Variants in SLC4A10 observed in about 807,000 individuals in gnomAD.
SLC4A10 encodes the protein solute carrier family 4 member 10.
In SLC4A10, 42 loss-of-function variants were observed where a neutral mutation model predicts 137.7. The observed-to-expected ratio is 0.30, with a 90% CI of 0.24 to 0.39. SLC4A10 has a LOEUF of 0.39. Ranked by LOEUF, SLC4A10 falls within the 10% of genes least tolerant of loss-of-function variation. SLC4A10 has a pLI of 1.00. For missense variants in SLC4A10, 925 were observed against 1,355.0 expected (o/e 0.68, Z 4.98); for synonymous variants, 474 against 464.1 (o/e 1.02, Z -0.27).
intron 3 of SLC4A10, among the ~76,000 whole-genome samples, chr2:161,825,340 A>T (rs1170544687): frequency 6.6e-5 from 10 of 152,054 alleles, no homozygotes; most frequent in Non-Finnish European, 1.5e-4. Flanking sequence ...TCTCTAATGG[A>T]GGTAAAGCAG....
chr2:161,978,407 GA>G (rs796514805), intron 26 of SLC4A10, among the ~76,000 whole-genome samples: 37 of 123,328 alleles, frequency 3.0e-4, no homozygotes, highest in African/African-American at 7.4e-4. Flanking sequence ...AAAAAGAAAA[GA>G]AAAAGAAAAA....
intron 1 of SLC4A10, among the ~76,000 whole-genome samples, chr2:161,679,647 T>C (rs759404848): frequency 4.0e-5 from 6 of 151,456 alleles, no homozygotes; most frequent in Non-Finnish European, 8.8e-5. Context: ...ATCTCTGGAA[T>C]CTGCTTTTAT....
intron 8 of SLC4A10, among the ~76,000 whole-genome samples, chr2:161,874,844 T>G (rs1448704363): frequency 6.6e-6 from 1 of 152,236 alleles, no homozygotes; most frequent in African/African-American, 2.4e-5. Flanking sequence ...AGAAAACTAT[T>G]TACAATTTCG....
chr2:161,629,208 A>G (rs1012888859), intron 1 of SLC4A10, among the ~76,000 whole-genome samples: 6 of 152,086 alleles, frequency 3.9e-5, no homozygotes, highest in East Asian at 3.9e-4. Context: ...GTCAATCTAT[A>G]TAGTAAATAT....
intron 10 of SLC4A10, among the ~76,000 whole-genome samples, chr2:161,891,480 G>T (rs556498326): frequency 1.3e-4 from 20 of 151,978 alleles, no homozygotes; most frequent in Non-Finnish European, 2.6e-4. Flanking sequence ...ATTTCTTGGA[G>T]GCATTGTTCA....
At chr2:161,895,183 G>A (rs1049490319) in intron 11 of SLC4A10, among the ~76,000 whole-genome samples, 6 of 151,194 alleles carry the variant, frequency 4.0e-5, no homozygotes, top group Admixed American at 1.3e-4. Flanking sequence ...TTGCCCTTGC[G>A]ATAGTTTACT....
At chr2:161,875,407 A>G (rs963527716) in intron 8 of SLC4A10, among the ~76,000 whole-genome samples, 4 of 152,192 alleles carry the variant, frequency 2.6e-5, no homozygotes, top group African/African-American at 9.7e-5. Context: ...GTTAAGAAAA[A>G]AAAGGTCTTT....
chr2:161,749,622 G>C lies in SLC4A10; in HGVS notation c.49-21351G>C, dbSNP rs140528549. On this transcript the variant is annotated intron_variant, in intron 1 of 26. Coordinates refer to ENST00000446997, the MANE Select transcript of SLC4A10 (RefSeq NM_001178015.2). ...GGATAAATCCCACTTGGTTGGTCAT[G>C]GTGTATAATCTTTTTGATGTGTCAC... is the stretch of plus-strand genomic sequence containing the variant. Among the ~76,000 whole-genome samples, 60 of 151,922 alleles carry C rather than the reference G, an allele frequency of 3.9e-4. No homozygotes were observed. In the East Asian group the frequency reaches 9.8e-3, roughly 25 times the overall value.
intron 10 of SLC4A10, among the ~76,000 whole-genome samples, chr2:161,886,822 G>A (rs2062351513): frequency 6.6e-6 from 1 of 151,682 alleles, no homozygotes; most frequent in South Asian, 2.1e-4. Context: ...TTTAAGTTCT[G>A]GAATACATGT....
intron 10 of SLC4A10, among the ~76,000 whole-genome samples, chr2:161,892,446 TA>T (rs1559475759): frequency 6.6e-6 from 1 of 152,058 alleles, no homozygotes; most frequent in Non-Finnish European, 1.5e-5. Context: ...AAAATACAAC[TA>T]AACCATTAAT....
chr2:161,929,204 G>A (rs1689854611), intron 15 of SLC4A10, among the ~76,000 whole-genome samples: 2 of 152,038 alleles, frequency 1.3e-5, no homozygotes, highest in Admixed American at 6.6e-5. Flanking sequence ...TTACTTCAAC[G>A]AGAAAGAGAC....
At chr2:161,917,436 A>G (rs1238880586) in intron 15 of SLC4A10, among the ~76,000 whole-genome samples, 1 of 152,128 alleles carries the variant, frequency 6.6e-6, no homozygotes, top group Admixed American at 6.6e-5. Flanking sequence ...GATACCTAGA[A>G]ACAAGATTGC....
intron 1 of SLC4A10, among the ~76,000 whole-genome samples, chr2:161,722,117 G>A (rs1016577413): frequency 3.3e-4 from 50 of 152,124 alleles, no homozygotes; most frequent in African/African-American, 1.2e-3. Context: ...TTTGCATTGG[G>A]TTAGAACGTA....
In SLC4A10 at chr2:161,784,960, T is replaced by G. The variant is rs1177064140; in HGVS notation, c.130+13906T>G. Among the ~76,000 whole-genome samples, 5 of 149,964 alleles carry G rather than the reference T, an allele frequency of 3.3e-5. No homozygotes were observed. In the South Asian group the frequency reaches 6.4e-4, roughly 19 times the overall value. On this transcript the variant is annotated intron_variant, in intron 2 of 26. Transcript: ENST00000446997. Reference sequence around the variant, plus strand: ...ATAGGAAAAAATCAATGAAATTGGGTTTTTTTTTAAAAGATAAAATTGACA... The same window carrying G: ...ATAGGAAAAAATCAATGAAATTGGGGTTTTTTTTAAAAGATAAAATTGACA...
At chr2:161,747,285 C>T (rs947734966) in intron 1 of SLC4A10, among the ~76,000 whole-genome samples, 3 of 152,246 alleles carry the variant, frequency 2.0e-5, no homozygotes, top group Non-Finnish European at 2.9e-5. Context: ...TAAATGTTCT[C>T]TCTGTGGGTG....
intron 1 of SLC4A10, among the ~76,000 whole-genome samples, chr2:161,651,816 T>G (rs2036840621): frequency 1.2e-5 from 1 of 85,894 alleles, no homozygotes; most frequent in African/African-American, 3.5e-5. Context: ...GCTCTGCGCC[T>G]AGCTTGCCCT....
Position 161,726,093 on chromosome 2 carries a change from T to C in SLC4A10, c.49-44880T>C, listed in dbSNP as rs553345448. Among the ~76,000 whole-genome samples, 9 of 152,308 alleles carry C rather than the reference T, an allele frequency of 5.9e-5. No homozygotes were observed. In the East Asian group the frequency reaches 1.7e-3, roughly 29 times the overall value. ...CTATTAATGATGTCTCAATAGATTA[T>C]GTTTTATAGATTTAAGAATATTTAA... On this transcript the variant is annotated intron_variant, in intron 1 of 26. Transcript: ENST00000446997.
chr2:161,908,870 A>G (rs1685121495), intron 15 of SLC4A10, among the ~76,000 whole-genome samples: 2 of 152,096 alleles, frequency 1.3e-5, no homozygotes, highest in Admixed American at 6.5e-5. Flanking sequence ...GTAGATAAAC[A>G]TGGGATTGCA....
At chr2:161,754,812 C>T (rs1219383668) in intron 1 of SLC4A10, among the ~76,000 whole-genome samples, 1 of 151,970 alleles carries the variant, frequency 6.6e-6, no homozygotes, top group African/African-American at 2.4e-5. Flanking sequence ...TATGTTTTAT[C>T]TATTAAAAGA....
Sources: allele counts gnomAD v4.1 joint callset (sites outside exome capture counted in the v4.1 genomes callset), GRCh38; gene constraint gnomAD v4.1.1; transcripts MANE v1.5; gene names NCBI Gene and HGNC (gene_info 2026-07-23, HGNC 2026-07-21).